KCNK2: variants seen among roughly 807,000 people sequenced by gnomAD.
The protein encoded by KCNK2 is potassium channel subfamily K member 2.
KCNK2 carries 21 observed loss-of-function variants against 40.5 expected under a neutral mutation model. The ratio of observed to expected loss-of-function variants is 0.52; its 90% CI spans 0.37 to 0.75. The LOEUF is 0.75. KCNK2 is among the 30% of genes least tolerant of loss of function. KCNK2 has a pLI of 0.00. For synonymous variants in KCNK2, 191 were observed against 202.2 expected (o/e 0.94, Z 0.47); for missense variants, 399 against 531.6 (o/e 0.75, Z 2.45).
intron 3 of KCNK2, among the ~76,000 whole-genome samples, chr1:215,161,886 T>C (rs1021820660): frequency 6.6e-6 from 1 of 152,208 alleles, no homozygotes; most frequent in African/African-American, 2.4e-5. Context: ...GCAATAAACA[T>C]ACATGAGCAT....
At chr1:215,156,060 T>A (rs541532400) in intron 3 of KCNK2, among the ~76,000 whole-genome samples, 2 of 100,604 alleles carry the variant, frequency 2.0e-5, no homozygotes, top group East Asian at 6.0e-4. Context: ...TTATAGGTAG[T>A]CTGTGTGTGT....
intron 1 of KCNK2, among the ~76,000 whole-genome samples, chr1:215,067,297 T>G (rs1173572931): frequency 1.3e-5 from 2 of 152,172 alleles, no homozygotes; most frequent in African/African-American, 4.8e-5. Flanking sequence ...ATTTATCAAT[T>G]TAAAAAATTA....
intron 5 of KCNK2, among the ~76,000 whole-genome samples, chr1:215,184,734 G>GT (rs1446171691): frequency 6.6e-6 from 1 of 152,092 alleles, no homozygotes; most frequent in Non-Finnish European, 1.5e-5. Context: ...CTCCCATAGG[G>GT]TCCCTTTCAT....
intron 3 of KCNK2, among the ~76,000 whole-genome samples, chr1:215,163,402 C>T (rs1414297265): frequency 6.6e-6 from 1 of 152,084 alleles, no homozygotes; most frequent in Admixed American, 6.6e-5. Flanking sequence ...TACTTGAATA[C>T]CCTTTATTTC....
intron 1 of KCNK2, among the ~76,000 whole-genome samples, chr1:215,030,367 T>G (rs1571858007): frequency 6.6e-6 from 1 of 152,174 alleles, no homozygotes; most frequent in African/African-American, 2.4e-5. Flanking sequence ...TCCCTTTTCT[T>G]GATAGTCTCT....
chr1:215,086,142 C>G (rs945754663), intron 1 of KCNK2, among the ~76,000 whole-genome samples: 1 of 152,056 alleles, frequency 6.6e-6, no homozygotes, highest in Non-Finnish European at 1.5e-5. Context: ...TTTTTCCTCT[C>G]ATTTTGAACT....
chr1:215,113,905 C>T (rs1460953120), intron 2 of KCNK2, among the ~76,000 whole-genome samples: 1 of 152,124 alleles, frequency 6.6e-6, no homozygotes, highest in African/African-American at 2.4e-5. Flanking sequence ...ACAGCCCCAA[C>T]AGATATACAG....
intron 1 of KCNK2, among the ~76,000 whole-genome samples, chr1:215,058,447 C>T (rs907354321): frequency 6.6e-6 from 1 of 152,112 alleles, no homozygotes; most frequent in African/African-American, 2.4e-5. Flanking sequence ...TTCTCTCACC[C>T]ATCAATAATT....
intron 2 of KCNK2, among the ~76,000 whole-genome samples, chr1:215,097,853 A>G (rs946356570): frequency 1.3e-5 from 2 of 151,970 alleles, no homozygotes; most frequent in Non-Finnish European, 2.9e-5. Context: ...CTTCTGGGAA[A>G]TGAAAGGTGG....
At chr1:215,181,518 G>T (rs1571702572) in intron 5 of KCNK2, among the ~76,000 whole-genome samples, 1 of 152,234 alleles carries the variant, frequency 6.6e-6, no homozygotes, top group Admixed American at 6.5e-5. Context: ...TATATGAATA[G>T]CATATTTTTA....
In KCNK2 at chr1:215,161,119, G is replaced by A. The variant is rs61818342; in HGVS notation, c.476-8080G>A. On this transcript the variant is annotated intron_variant, in intron 3 of 6. Coordinates refer to ENST00000444842, the MANE Select transcript of KCNK2 (RefSeq NM_001017425.3). Reference sequence around the variant, plus strand: ...TATAGCCGGAATAAACATGTAATAGGATCCATCTAAAAGTCTTGCATTGGT... The same window carrying A: ...TATAGCCGGAATAAACATGTAATAGAATCCATCTAAAAGTCTTGCATTGGT... Among the ~76,000 whole-genome samples, 1,463 of 152,192 alleles carry A rather than the reference G, an allele frequency of 9.6e-3. 22 individuals carry two copies. Among genetic ancestry groups the A allele is most frequent in the South Asian group, 0.061 (292 of 4,826 alleles).
chr1:215,062,366 G>A (rs1381093241), intron 1 of KCNK2, among the ~76,000 whole-genome samples: 9 of 152,014 alleles, frequency 5.9e-5, no homozygotes, highest in Non-Finnish European at 1.0e-4. Context: ...CAGATATGAA[G>A]AAGGCATGTG....
chr1:215,160,639 C>T (rs11120513), intron 3 of KCNK2, among the ~76,000 whole-genome samples: 83,704 of 151,948 alleles, frequency 0.55, 25,569 homozygotes, highest in Non-Finnish European at 0.68. Flanking sequence ...TTTTAGCTTG[C>T]TCTTCCTGTG....
At chr1:215,110,921 T>A (rs918285167) in intron 2 of KCNK2, among the ~76,000 whole-genome samples, 1 of 152,168 alleles carries the variant, frequency 6.6e-6, no homozygotes, top group Admixed American at 6.6e-5. Flanking sequence ...TGGGTTTGGA[T>A]AACATACAAT....
At chr1:215,176,035 C>T (rs546924917) in intron 5 of KCNK2, among the ~76,000 whole-genome samples, 81 of 152,170 alleles carry the variant, frequency 5.3e-4, no homozygotes, top group African/African-American at 1.8e-3. Context: ...CTGTGCTGAA[C>T]GGTAGTTCTG....
At chr1:215,151,961 G>A (rs929412181) in intron 3 of KCNK2, among the ~76,000 whole-genome samples, 2 of 152,022 alleles carry the variant, frequency 1.3e-5, no homozygotes, top group South Asian at 4.1e-4. Context: ...AGTGTTGATT[G>A]TATTTACCTT....
rs930754100 is a variant in KCNK2 at position 215,124,842 on chromosome 1, A to T, written c.475+92A>T. 7.7e-6 allele frequency: 6 copies of T among 779,052 alleles called. No homozygotes were observed. The African/African-American group carries it at 1.0e-4, about 13-fold the overall frequency. 48.3% of individuals were successfully genotyped at this position (779,052 alleles called of 1,614,324 possible). A position where few individuals can be genotyped will look rare whatever the true frequency, so the allele number is the denominator to read the frequency against. ...ATTTTTTGTATAGTTGGGCAAAATG[A>T]TCTACTTAAGGTAGAAAAACTAGAT... On this transcript the variant is annotated intron_variant, in intron 3 of 6. Coordinates refer to ENST00000444842, the MANE Select transcript of KCNK2 (RefSeq NM_001017425.3).
chr1:215,176,930 G>C (rs1293979583), intron 5 of KCNK2, among the ~76,000 whole-genome samples: 1 of 152,198 alleles, frequency 6.6e-6, no homozygotes, highest in Non-Finnish European at 1.5e-5. Context: ...TTCTACAATG[G>C]TTGAACTAAT....
At position 215,187,059 on chromosome 1, in the gene KCNK2, T is replaced by A. The variant is rs186429078; in HGVS notation, c.824-7894T>A. 2.9e-3 allele frequency among the ~76,000 whole-genome samples: 449 copies of A among 152,278 alleles called. 4 individuals are homozygous for A. Among genetic ancestry groups the A allele is most frequent in the African/African-American group, 0.01 (432 of 41,560 alleles). On this transcript the variant is annotated intron_variant, in intron 5 of 6. Transcript: ENST00000444842. ...ATCGTGGCTCACTGCAGCCTCGACA[T>A]TCTGGGCTCAAGTAATCCTCTTGCC...
Sources: allele counts gnomAD v4.1 joint callset (sites outside exome capture counted in the v4.1 genomes callset), GRCh38; gene constraint gnomAD v4.1.1; transcripts MANE v1.5; gene names NCBI Gene and HGNC (gene_info 2026-07-23, HGNC 2026-07-21).